The following GMDS variants were observed in gnomAD, a reference collection of about 807,000 sequenced individuals.
The protein encoded by GMDS is GDP-mannose 4,6 dehydratase.
GMDS carries 20 observed loss-of-function variants against 49.9 expected under a neutral mutation model. The observed-to-expected ratio is 0.40, with a 90% CI of 0.28 to 0.58. The LOEUF (loss-of-function observed/expected upper bound fraction) is 0.58, where lower values mean the gene tolerates loss of function less well. Ranked by LOEUF, GMDS falls within the 20% of genes least tolerant of loss-of-function variation. GMDS has a pLI of 0.42. For missense variants in GMDS, 362 were observed against 481.4 expected (o/e 0.75, Z 2.32); for synonymous variants, 177 against 178.6 (o/e 0.99, Z 0.07).
chr6:2,120,489 A>G (rs971107025), intron 2 of GMDS, among the ~76,000 whole-genome samples: 3 of 152,200 alleles, frequency 2.0e-5, no homozygotes, highest in Admixed American at 2.0e-4. Flanking sequence ...CCTTATATCC[A>G]TTTCTTTTCT....
Position 2,140,940 on chromosome 6 carries a change from C to T in GMDS, c.103-16209G>A, listed in dbSNP as rs574211569. On this transcript the variant is annotated intron_variant, in intron 1 of 10. Coordinates refer to ENST00000380815, the MANE Select transcript of GMDS (RefSeq NM_001500.4). ...AGCAGTGAACTCTGCCCTGATGGAACCACCTCCTCTGGGAAGTGCTCCTGT... is the reference window on the plus strand; with the variant it reads ...AGCAGTGAACTCTGCCCTGATGGAATCACCTCCTCTGGGAAGTGCTCCTGT... Among the ~76,000 whole-genome samples, 57 of 152,208 alleles carry T rather than the reference C, an allele frequency of 3.7e-4. 3 individuals are homozygous for T. In the South Asian group the frequency reaches 0.011, roughly 30 times the overall value.
At chr6:1,738,731 T>A (rs1188524470) in intron 8 of GMDS, among the ~76,000 whole-genome samples, 1 of 152,190 alleles carries the variant, frequency 6.6e-6, no homozygotes, top group Non-Finnish European at 1.5e-5. Flanking sequence ...AGCTTGGCTG[T>A]CCTTCACCCT....
At chr6:2,152,656 C>T (rs1278593291) in intron 1 of GMDS, among the ~76,000 whole-genome samples, 2 of 152,068 alleles carry the variant, frequency 1.3e-5, no homozygotes, top group Non-Finnish European at 2.9e-5. Flanking sequence ...GAAGATTCAA[C>T]ATCATGAAGA....
intron 4 of GMDS, among the ~76,000 whole-genome samples, chr6:2,060,475 C>T (rs1771081359): frequency 1.3e-5 from 2 of 152,098 alleles, no homozygotes; most frequent in Non-Finnish European, 2.9e-5. Context: ...GATGACTGGG[C>T]ACCTACGATG....
chr6:1,896,931 T>C (rs1760229994), intron 7 of GMDS, among the ~76,000 whole-genome samples: 1 of 152,184 alleles, frequency 6.6e-6, no homozygotes, highest in Non-Finnish European at 1.5e-5. Flanking sequence ...CAGGGCTCAC[T>C]GTTGGTGTTG....
intron 9 of GMDS, among the ~76,000 whole-genome samples, chr6:1,637,119 C>A (rs757989009): frequency 3.3e-4 from 50 of 152,256 alleles, no homozygotes; most frequent in Non-Finnish European, 6.2e-4. Context: ...GGTGTCCCAG[C>A]TGGGCTCCAT....
intron 4 of GMDS, among the ~76,000 whole-genome samples, chr6:2,021,555 G>T (rs1768278994): frequency 6.6e-6 from 1 of 152,080 alleles, no homozygotes; most frequent in African/African-American, 2.4e-5. Context: ...ATACAAGGTG[G>T]AAAAAAAGCC....
At chr6:1,853,474 C>T (rs373980325) in intron 7 of GMDS, among the ~76,000 whole-genome samples, 6 of 142,262 alleles carry the variant, frequency 4.2e-5, no homozygotes, top group South Asian at 2.2e-4. Context: ...GCTGAGATCG[C>T]GCCACTGCAC....
chr6:2,049,520 A>G (rs1032882968), intron 4 of GMDS, among the ~76,000 whole-genome samples: 1 of 152,236 alleles, frequency 6.6e-6, no homozygotes, highest in Non-Finnish European at 1.5e-5. Flanking sequence ...TCTAGTCCTC[A>G]GAACCTGTGA....
In GMDS at chr6:1,933,946, G is replaced by C. The variant is rs959290346; in HGVS notation, c.644-3716C>G. On this transcript the variant is annotated intron_variant, in intron 6 of 10. Transcript: ENST00000380815. ...TGCTTTTGGTGTCATATTCGAGAAG[G>C]CTTCGTTAATCCAAGGTCATGAAGA... Among the ~76,000 whole-genome samples the C allele has an allele frequency of 1.4e-4, 21 of 152,114 alleles. No individual in the cohort carries two copies. In the East Asian group the frequency reaches 3.7e-3, roughly 27 times the overall value.
At chr6:2,048,266 C>T (rs993836607) in intron 4 of GMDS, among the ~76,000 whole-genome samples, 1 of 152,144 alleles carries the variant, frequency 6.6e-6, no homozygotes, top group Admixed American at 6.5e-5. Context: ...CTTTCACATT[C>T]TATAATCCAT....
intron 4 of GMDS, among the ~76,000 whole-genome samples, chr6:2,045,455 G>A (rs566270228): frequency 4.5e-3 from 677 of 151,052 alleles, no homozygotes; most frequent in Middle Eastern, 0.01. Context: ...TCTTGCTTAA[G>A]GACAAAATTT....
At chr6:2,133,943 C>T (rs1341645733) in intron 1 of GMDS, among the ~76,000 whole-genome samples, 2 of 152,158 alleles carry the variant, frequency 1.3e-5, no homozygotes, top group East Asian at 1.9e-4. Context: ...GCACACCTGG[C>T]AAAACTCCAT....
At chr6:2,189,238 T>G (rs1189336523) in intron 1 of GMDS, among the ~76,000 whole-genome samples, 6 of 152,010 alleles carry the variant, frequency 3.9e-5, no homozygotes, top group Admixed American at 3.3e-4. Flanking sequence ...AACTGGTGTT[T>G]TGAGTCTGGG....
intron 7 of GMDS, among the ~76,000 whole-genome samples, chr6:1,847,655 T>C (rs900262264): frequency 1.3e-5 from 2 of 152,210 alleles, no homozygotes; most frequent in African/African-American, 4.8e-5. Flanking sequence ...CTATGTTTCA[T>C]AGATAGAAAT....
chr6:2,066,905 C>T (rs1256869954), intron 4 of GMDS, among the ~76,000 whole-genome samples: 1 of 151,888 alleles, frequency 6.6e-6, no homozygotes, highest in Non-Finnish European at 1.5e-5. Flanking sequence ...AGCTCTGCAC[C>T]AAGCGGACCT....
chr6:1,823,361 C>A (rs938184351), intron 7 of GMDS, among the ~76,000 whole-genome samples: 1 of 152,168 alleles, frequency 6.6e-6, no homozygotes, highest in Non-Finnish European at 1.5e-5. Flanking sequence ...AATCTGACCT[C>A]TTTTCTCAAA....
At chr6:1,825,455 AAC>A (rs1287957184) in intron 7 of GMDS, among the ~76,000 whole-genome samples, 4 of 152,216 alleles carry the variant, frequency 2.6e-5, no homozygotes, top group East Asian at 3.8e-4. Flanking sequence ...AACTAGTTTG[AAC>A]ACAGTCATGC....
At chr6:1,874,434 T>A (rs1375259819) in intron 7 of GMDS, among the ~76,000 whole-genome samples, 2 of 152,178 alleles carry the variant, frequency 1.3e-5, no homozygotes, top group African/African-American at 4.8e-5. Flanking sequence ...TTATATTATT[T>A]TGAAGAACTA....
Sources: gnomAD v4.1 joint callset for allele counts (sites outside exome capture counted in the v4.1 genomes callset) on GRCh38, gnomAD v4.1.1 for gene constraint, MANE v1.5 for transcripts, NCBI Gene and HGNC (gene_info 2026-07-23, HGNC 2026-07-21) for gene names.